The following TMEM71 variants were observed in gnomAD, a reference collection of about 807,000 sequenced individuals.
TMEM71 encodes transmembrane protein 71.
TMEM71 carries 44 observed loss-of-function variants against 38.0 expected under a neutral mutation model. The ratio of observed to expected loss-of-function variants is 1.16; its 90% CI spans 0.91 to 1.49. The LOEUF (loss-of-function observed/expected upper bound fraction) is 1.49, where lower values mean the gene tolerates loss of function less well. Ranked by LOEUF, TMEM71 falls within the 40% of genes most tolerant of loss-of-function variation. The pLI is 0.00. For synonymous variants in TMEM71, 133 were observed against 122.5 expected (o/e 1.09, Z -0.56); for missense variants, 367 against 348.6 (o/e 1.05, Z -0.42).
intron 5 of TMEM71, among the ~76,000 whole-genome samples, chr8:132,734,499 G>A (rs1441073216): frequency 6.6e-6 from 1 of 152,174 alleles, no homozygotes; most frequent in African/African-American, 2.4e-5. Context: ...AAAAAGATGT[G>A]CTGTTTCCCA....
intron 9 of TMEM71, among the ~76,000 whole-genome samples, chr8:132,713,464 T>C (rs904381700): frequency 6.6e-6 from 1 of 152,168 alleles, no homozygotes; most frequent in Admixed American, 6.5e-5. Flanking sequence ...TGAAGGTAAT[T>C]AACACAGTCC....
chr8:132,752,633 C>T (rs1828776925), intron 3 of TMEM71, among the ~76,000 whole-genome samples: 2 of 151,972 alleles, frequency 1.3e-5, no homozygotes, highest in Non-Finnish European at 1.5e-5. Flanking sequence ...ACTCAGAAGG[C>T]TAAGGCAGGA....
the TMEM71 span, among the ~76,000 whole-genome samples, chr8:132,771,325 ACT>A: frequency 6.6e-6 from 1 of 151,776 alleles, no homozygotes; most frequent in African/African-American, 2.4e-5. Flanking sequence ...TTTTCTGTTC[ACT>A]CTCTTGCTTC....
At chr8:132,762,344 C>T (rs1829311759), upstream of TMEM71, among the ~76,000 whole-genome samples, 1 of 152,206 alleles carries the variant, frequency 6.6e-6, no homozygotes, top group African/African-American at 2.4e-5. Flanking sequence ...ATCCCTCATC[C>T]TCCCTCTTCC....
chr8:132,775,209 C>T, the TMEM71 span: 12 of 318,412 alleles, frequency 3.8e-5, no homozygotes, highest in Non-Finnish European at 6.3e-5. Context: ...GTTCTTTCCT[C>T]CAGTAACCAG....
chr8:132,759,612 C>G (rs1563759286), intron 1 of TMEM71, among the ~76,000 whole-genome samples: 1 of 152,160 alleles, frequency 6.6e-6, no homozygotes, highest in Non-Finnish European at 1.5e-5. Context: ...TCAAATAGAA[C>G]CAACTTCTGT....
At chr8:132,759,847 G>A (rs1024104496) in intron 1 of TMEM71, among the ~76,000 whole-genome samples, 2 of 152,012 alleles carry the variant, frequency 1.3e-5, no homozygotes, top group African/African-American at 4.8e-5. Flanking sequence ...ATATAAACCT[G>A]GTTTATAGAG....
chr8:132,773,253 C>T, the TMEM71 span, among the ~76,000 whole-genome samples: 1 of 152,162 alleles, frequency 6.6e-6, no homozygotes, highest in East Asian at 1.9e-4. Flanking sequence ...AAATACCATC[C>T]TCCATTTCCA....
chr8:132,741,932 T>TGAG, intron 5 of TMEM71, among the ~76,000 whole-genome samples: 1 of 152,250 alleles, frequency 6.6e-6, no homozygotes, highest in Admixed American at 6.5e-5. Flanking sequence ...TGACACTTTT[T>TGAG]GCTACCGCTA....
chr8:132,736,397 A>G (rs1440106348), intron 5 of TMEM71, among the ~76,000 whole-genome samples: 1 of 152,164 alleles, frequency 6.6e-6, no homozygotes, highest in African/African-American at 2.4e-5. Flanking sequence ...TCAGAAAATC[A>G]TGAGTGGGTG....
chr8:132,721,410 T>G (rs893940418), intron 7 of TMEM71, among the ~76,000 whole-genome samples: 2 of 152,192 alleles, frequency 1.3e-5, no homozygotes, highest in Non-Finnish European at 2.9e-5. Flanking sequence ...GGCTTTAAAC[T>G]CCAGCTATAC....
the TMEM71 span, among the ~76,000 whole-genome samples, chr8:132,770,095 G>A: frequency 6.6e-6 from 1 of 152,284 alleles, no homozygotes; most frequent in African/African-American, 2.4e-5. Flanking sequence ...GGGATTGTAC[G>A]TTGTAGAGAC....
intron 5 of TMEM71, among the ~76,000 whole-genome samples, chr8:132,729,003 C>T (rs932017000): frequency 6.6e-6 from 1 of 152,182 alleles, no homozygotes; most frequent in Non-Finnish European, 1.5e-5. Flanking sequence ...AGAACATGCA[C>T]CCATTTTCTC....
intron 4 of TMEM71, among the ~76,000 whole-genome samples, chr8:132,751,166 C>T (rs1563755616): frequency 6.6e-6 from 1 of 152,142 alleles, no homozygotes. Context: ...TAAATTTAAC[C>T]CCTTTCATCC....
chr8:132,765,882 A>G, the TMEM71 span, among the ~76,000 whole-genome samples: 3 of 151,976 alleles, frequency 2.0e-5, no homozygotes, highest in Non-Finnish European at 4.4e-5. Context: ...TTTGCCTCCC[A>G]GATTCAAGAG....
At position 132,751,459 on chromosome 8, in the gene TMEM71, C is replaced by T. The variant is rs138963693; in HGVS notation, c.314+326G>A. ...CTTTTATCCCTTCACTGCACCCTGA[C>T]GGGTTTCTATCCTGGCACCCGTATT... On this transcript the variant is annotated intron_variant, in intron 4 of 9. Transcript: ENST00000677595. Among the ~76,000 whole-genome samples the T allele has an allele frequency of 4.5e-4, 68 of 152,350 alleles. 1 individual carries two copies. Among genetic ancestry groups the T allele is most frequent in the Non-Finnish European group, 5.9e-4 (40 of 68,038 alleles).
chr8:132,739,410 C>T (rs893003513), intron 5 of TMEM71, among the ~76,000 whole-genome samples: 5 of 152,216 alleles, frequency 3.3e-5, no homozygotes, highest in Non-Finnish European at 7.3e-5. Flanking sequence ...CTCCCAGGTT[C>T]ACGCCATTCT....
the TMEM71 span, among the ~76,000 whole-genome samples, chr8:132,769,097 T>C: frequency 1.3e-5 from 2 of 152,250 alleles, no homozygotes; most frequent in Non-Finnish European, 2.9e-5. Context: ...AATAAACGCA[T>C]GTGGAAAAGA....
the TMEM71 span, among the ~76,000 whole-genome samples, chr8:132,774,269 T>A: frequency 3.3e-5 from 5 of 152,106 alleles, no homozygotes; most frequent in African/African-American, 1.2e-4. Flanking sequence ...GGAAAGAGAG[T>A]TGAGATGCTG....
Sources: gnomAD v4.1 joint callset for allele counts (sites outside exome capture counted in the v4.1 genomes callset) on GRCh38, gnomAD v4.1.1 for gene constraint, MANE v1.5 for transcripts, NCBI Gene and HGNC (gene_info 2026-07-23, HGNC 2026-07-21) for gene names.